Variants in RALB observed in about 807,000 individuals in gnomAD.
The protein encoded by RALB is ras-related protein Ral-B.
RALB carries 16 observed loss-of-function variants against 21.3 expected under a neutral mutation model. The ratio of observed to expected loss-of-function variants is 0.75; its 90% CI spans 0.51 to 1.14. The LOEUF is 1.14. Among genes scored for constraint, RALB ranks in the 50% most tolerant of loss-of-function variants. RALB has a pLI of 0.00. For synonymous variants in RALB, 93 were observed against 96.1 expected, an observed-to-expected ratio of 0.97 and a Z score of 0.19; for missense variants, 161 against 256.2, an observed-to-expected ratio of 0.63 and a Z score of 2.54.
intron 1 of RALB, among the ~76,000 whole-genome samples, chr2:120,245,534 G>A (rs556814105): frequency 3.3e-5 from 5 of 152,324 alleles, no homozygotes; most frequent in South Asian, 4.1e-4. Flanking sequence ...GCAGGGAGCA[G>A]TGGGCCCCAG....
intron 2 of RALB, chr2:120,280,863 A>G (rs1430895700): frequency 2.3e-6 from 1 of 444,120 alleles, no homozygotes; most frequent in African/African-American, 2.0e-5. Context: ...GGCATATGAC[A>G]AGAAAAAGTA....
At chr2:120,255,932 A>ATGTGATTT in intron 1 of RALB, among the ~76,000 whole-genome samples, 1 of 152,008 alleles carries the variant, frequency 6.6e-6, no homozygotes, top group African/African-American at 2.4e-5. Flanking sequence ...GTTCCAAGCT[A>ATGTGATTT]TACGGCATGA....
chr2:120,260,639 C>T (rs148436736), intron 1 of RALB, among the ~76,000 whole-genome samples: 5 of 152,292 alleles, frequency 3.3e-5, no homozygotes, highest in East Asian at 1.9e-4. Context: ...GAGAGCCACC[C>T]GGGAAGCACT....
At chr2:120,266,912 C>T (rs989445423) in intron 1 of RALB, among the ~76,000 whole-genome samples, 2 of 152,086 alleles carry the variant, frequency 1.3e-5, no homozygotes, top group Admixed American at 6.5e-5. Context: ...GGGGAAATCA[C>T]GACTTTCCCT....
In RALB at chr2:120,279,314, G is replaced by A. The variant is rs1689925387; in HGVS notation, c.114+536G>A. On this transcript the variant is annotated intron_variant, in intron 2 of 4. Transcript: ENST00000272519. ...GTGTTGAGTTCAGTGTGACAACACA[G>A]CCTTGATCCCCGGAGCTACAAAAGT... is the stretch of plus-strand genomic sequence containing the variant. Among the ~76,000 whole-genome samples, 3 of 152,234 alleles carry A rather than the reference G, an allele frequency of 2.0e-5. No individual in the cohort carries two copies. In the South Asian group the frequency reaches 6.2e-4, roughly 32 times the overall value.
chr2:120,279,376 T>C (rs750443717), intron 2 of RALB, among the ~76,000 whole-genome samples: 53 of 152,244 alleles, frequency 3.5e-4, no homozygotes, highest in Non-Finnish European at 6.3e-4. Context: ...CTTAGCCTAC[T>C]GTGGGCTCTA....
At chr2:120,261,224 G>A (rs1689358594) in intron 1 of RALB, among the ~76,000 whole-genome samples, 1 of 152,190 alleles carries the variant, frequency 6.6e-6, no homozygotes, top group African/African-American at 2.4e-5. Flanking sequence ...GTGTCTACAT[G>A]CTGTTGGGGA....
At chr2:120,269,531 A>AT (rs1467350556) in intron 1 of RALB, among the ~76,000 whole-genome samples, 1 of 152,116 alleles carries the variant, frequency 6.6e-6, no homozygotes, top group Non-Finnish European at 1.5e-5. Context: ...GAGAGCACTG[A>AT]TTGGTGCATT....
chr2:120,263,270 G>GCCTCCTGAGCC (rs1470591126), intron 1 of RALB, among the ~76,000 whole-genome samples: 14 of 152,124 alleles, frequency 9.2e-5, no homozygotes, highest in Non-Finnish European at 5.9e-5. Flanking sequence ...CCTGGGCTCA[G>GCCTCCTGAGCC]TGGTCCTCCC....
intron 2 of RALB, among the ~76,000 whole-genome samples, chr2:120,282,994 G>T (rs1306978852): frequency 2.0e-5 from 3 of 151,920 alleles, no homozygotes; most frequent in Non-Finnish European, 4.4e-5. Flanking sequence ...AAACCTAGCT[G>T]ATTATAGAAT....
chr2:120,272,295 A>T (rs1689682639), intron 1 of RALB, among the ~76,000 whole-genome samples: 1 of 152,154 alleles, frequency 6.6e-6, no homozygotes, highest in African/African-American at 2.4e-5. Context: ...TCCCCGCCCC[A>T]CAGATGTAGT....
intron 2 of RALB, among the ~76,000 whole-genome samples, chr2:120,281,446 A>G (rs1322646475): frequency 3.3e-5 from 5 of 152,222 alleles, no homozygotes; most frequent in Non-Finnish European, 5.9e-5. Flanking sequence ...ATAATGGATT[A>G]TGATTTCTCA....
chr2:120,254,633 T>A (rs1200795213), intron 1 of RALB, among the ~76,000 whole-genome samples: 1 of 152,194 alleles, frequency 6.6e-6, no homozygotes, highest in African/African-American at 2.4e-5. Flanking sequence ...TGAAGATGGC[T>A]TGAGATTCCA....
chr2:120,292,942 G>A (rs2104671632), intron 4 of RALB, among the ~76,000 whole-genome samples, 199 bp from the exon 5 acceptor site: 1 of 152,348 alleles, frequency 6.6e-6, no homozygotes, highest in East Asian at 1.9e-4. Context: ...TTGCCCCAGA[G>A]CTATTGTTTC....
intron 1 of RALB, among the ~76,000 whole-genome samples, chr2:120,269,203 G>A (rs1041018677): frequency 6.6e-6 from 1 of 152,164 alleles, no homozygotes; most frequent in African/African-American, 2.4e-5. Flanking sequence ...GCTCTTAAAC[G>A]TGGTGTGTCT....
chr2:120,249,451 T>A (rs539402492), upstream of RALB, among the ~76,000 whole-genome samples: 51 of 152,330 alleles, frequency 3.3e-4, no homozygotes, highest in South Asian at 8.3e-4. Flanking sequence ...GGCATAGCAC[T>A]GGCATCTGTT....
At chr2:120,251,363 TA>T (rs370863859), upstream of RALB, among the ~76,000 whole-genome samples, 216 of 152,320 alleles carry the variant, frequency 1.4e-3, no homozygotes, top group African/African-American at 5.0e-3. Context: ...TGGCAATCAC[TA>T]ATGTAAGCTC....
chr2:120,277,086 A>C (rs1386921659), intron 1 of RALB, among the ~76,000 whole-genome samples: 1 of 152,086 alleles, frequency 6.6e-6, no homozygotes, highest in Non-Finnish European at 1.5e-5. Context: ...GAGTTGCTCT[A>C]CTCATTTTAT....
At chr2:120,244,035 C>T (rs889634063) in intron 1 of RALB, among the ~76,000 whole-genome samples, 3 of 152,160 alleles carry the variant, frequency 2.0e-5, no homozygotes, top group African/African-American at 7.2e-5. Flanking sequence ...AACTTACAAT[C>T]ATGGCAGGAA....
Sources: allele counts gnomAD v4.1 joint callset (sites outside exome capture counted in the v4.1 genomes callset), GRCh38; gene constraint gnomAD v4.1.1; transcripts MANE v1.5; gene names NCBI Gene and HGNC (gene_info 2026-07-23, HGNC 2026-07-21).